SNX29: variants seen among roughly 807,000 people sequenced by gnomAD.
SNX29 encodes sorting nexin 29.
Under a neutral mutation model 102.1 loss-of-function variants are expected in SNX29, and 78 were observed. The observed-to-expected ratio is 0.76, with a 90% CI of 0.64 to 0.92. The LOEUF (loss-of-function observed/expected upper bound fraction) is 0.92, where lower values mean the gene tolerates loss of function less well. SNX29 is among the 40% of genes least tolerant of loss of function. The pLI is 0.00. For synonymous variants in SNX29, 580 were observed against 414.5 expected, an observed-to-expected ratio of 1.40 and a Z score of -4.85; for missense variants, 1,280 against 1,061.7, an observed-to-expected ratio of 1.21 and a Z score of -2.86.
At chr16:12,159,549 A>C (rs1209992322) in intron 13 of SNX29, among the ~76,000 whole-genome samples, 2 of 152,138 alleles carry the variant, frequency 1.3e-5, no homozygotes, top group African/African-American at 4.8e-5. Flanking sequence ...TGTGTATTTC[A>C]CAAGTAGGAG....
chr16:12,552,312 G>T (rs150599329), intron 20 of SNX29, among the ~76,000 whole-genome samples: 3 of 152,168 alleles, frequency 2.0e-5, no homozygotes, highest in Non-Finnish European at 4.4e-5. Context: ...TCTAGAAGAG[G>T]TGATAATGGA....
chr16:12,199,608 G>A lies in SNX29; in HGVS notation c.1603G>A (p.Glu535Lys), dbSNP rs749383130. ...MKVQALAREN[E>K]VLKVQLKKYV... The stretch of plus-strand genomic sequence containing the variant: ...ACATTCTTGTACCTGCAGAGAGAAC[G>A]AGGTGCTCAAAGTCCAACTGAAGAA... The change falls in exon 14 of 21, where the codon GAG (glutamate) becomes AAG (lysine). Residue 535 changes from glutamate (E) to lysine (K), a missense_variant. By Grantham distance (56) the Glu-to-Lys change is moderately conservative. Coordinates refer to ENST00000566228, the MANE Select transcript of SNX29 (RefSeq NM_032167.5). 3 of 1,612,314 alleles carry A rather than the reference G, an allele frequency of 1.9e-6. No homozygotes were observed. Among genetic ancestry groups the A allele is most frequent in the East Asian group, 2.2e-5 (1 of 44,796 alleles).
intron 20 of SNX29, among the ~76,000 whole-genome samples, chr16:12,549,691 G>A (rs533538096): frequency 1.1e-4 from 16 of 152,308 alleles, no homozygotes; most frequent in East Asian, 7.7e-4. Flanking sequence ...TCTTGATGTC[G>A]CAGATGCTGC....
chr16:12,262,609 G>A (rs555028020), intron 14 of SNX29, among the ~76,000 whole-genome samples: 6 of 152,302 alleles, frequency 3.9e-5, no homozygotes, highest in African/African-American at 1.2e-4. Context: ...GTAAGAGGTA[G>A]CAACACGGCA....
intron 18 of SNX29, among the ~76,000 whole-genome samples, chr16:12,465,023 A>G (rs1192889421): frequency 6.6e-6 from 1 of 152,278 alleles, no homozygotes. Flanking sequence ...CTTTTCATCT[A>G]CTTGTAGGCT....
rs141249490 is a variant in SNX29, at chr16:12,561,123, G to C, written c.2319-7383G>C. 202 of 227,554 alleles carry C rather than the reference G, an allele frequency of 8.9e-4. 3 individuals are homozygous for C. Among genetic ancestry groups the C allele is most frequent in the African/African-American group, 4.1e-3 (187 of 45,138 alleles). The allele number at this position is 227,554 out of a possible 1,614,324, so 14.1% of individuals were successfully genotyped here. A position where few individuals can be genotyped will look rare whatever the true frequency, so the allele number is the denominator to read the frequency against. ...TTAGATTTCACGGGGCACCCATCAC[G>C]CAGTCCTGAGGCCCAGGTGTTGCCT... On this transcript the variant is annotated intron_variant, in intron 20 of 20. Coordinates refer to ENST00000566228, the MANE Select transcript of SNX29 (RefSeq NM_032167.5).
At chr16:12,352,880 T>A (rs556256419) in intron 15 of SNX29, among the ~76,000 whole-genome samples, 1 of 152,308 alleles carries the variant, frequency 6.6e-6, no homozygotes, top group Admixed American at 6.5e-5. Context: ...GATGGATTAA[T>A]TTTCATGAAA....
rs186059561 is a variant in SNX29 at position 12,517,682 on chromosome 16, C to T, written c.2179-7020C>T. Among the ~76,000 whole-genome samples the T allele has an allele frequency of 2.6e-3, 397 of 152,304 alleles. 2 individuals carry two copies. Among genetic ancestry groups the T allele is most frequent in the African/African-American group, 9.2e-3 (381 of 41,572 alleles). ...ATGAACCAGACAGATAAGGTGCCTG[C>T]CTTGGTGGAATTACCATCTAGCAAG... On this transcript the variant is annotated intron_variant, in intron 19 of 20. Coordinates refer to ENST00000566228, the MANE Select transcript of SNX29 (RefSeq NM_032167.5).
chr16:12,227,026 A>G (rs1186115736), intron 14 of SNX29, among the ~76,000 whole-genome samples: 1 of 152,202 alleles, frequency 6.6e-6, no homozygotes, highest in Admixed American at 6.5e-5. Flanking sequence ...CAATGCTCAG[A>G]TAAGTTGGGA....
At chr16:12,560,671 C>T (rs2078674323) in intron 20 of SNX29, 1 of 156,884 alleles carries the variant, frequency 6.4e-6, no homozygotes, top group South Asian at 2.1e-4. Flanking sequence ...GGGGGCTGGG[C>T]TTGGATGCAT....
At chr16:12,547,689 C>T (rs556987771) in intron 20 of SNX29, among the ~76,000 whole-genome samples, 50 of 152,244 alleles carry the variant, frequency 3.3e-4, no homozygotes, top group African/African-American at 8.7e-4. Flanking sequence ...ACCTGGCCCC[C>T]GCGTTCCTGT....
chr16:12,545,389 TTGTCCGCTTCC>T (rs1321178514), intron 20 of SNX29: 1 of 152,192 alleles, frequency 6.6e-6, no homozygotes, highest in Non-Finnish European at 1.5e-5. Flanking sequence ...AATAGGTGTA[TTGTCCGCTTCC>T]TAACCGGGTC....
At chr16:12,058,151 A>G (rs1375878252) in intron 8 of SNX29, among the ~76,000 whole-genome samples, 1 of 152,146 alleles carries the variant, frequency 6.6e-6, no homozygotes, top group East Asian at 1.9e-4. Context: ...AAAAAACAAG[A>G]TAAAAAACTC....
intron 15 of SNX29, among the ~76,000 whole-genome samples, chr16:12,315,442 G>C (rs1164519653): frequency 2.0e-5 from 3 of 152,156 alleles, no homozygotes; most frequent in South Asian, 4.1e-4. Flanking sequence ...ATGCTCATTT[G>C]TTATGTGGAT....
intron 20 of SNX29, among the ~76,000 whole-genome samples, chr16:12,554,699 A>C (rs529922906): frequency 3.9e-5 from 6 of 152,216 alleles, no homozygotes; most frequent in African/African-American, 1.4e-4. Context: ...ATCCCTGCCC[A>C]TGCCTGGTGA....
At chr16:12,475,763 G>C (rs2087563695) in intron 18 of SNX29, among the ~76,000 whole-genome samples, 1 of 152,208 alleles carries the variant, frequency 6.6e-6, no homozygotes, top group Non-Finnish European at 1.5e-5. Flanking sequence ...GGTTTCTACT[G>C]AATGCTTATT....
At chr16:12,533,078 C>T (rs1330271876) in intron 20 of SNX29, among the ~76,000 whole-genome samples, 3 of 152,186 alleles carry the variant, frequency 2.0e-5, no homozygotes, top group Admixed American at 2.0e-4. Context: ...CAAGCCACAG[C>T]CCACATCACA....
intron 4 of SNX29, among the ~76,000 whole-genome samples, chr16:12,037,122 C>A (rs2057497743): frequency 6.6e-6 from 1 of 152,084 alleles, no homozygotes; most frequent in Non-Finnish European, 1.5e-5. Context: ...ACGGGGTCGG[C>A]ACACTCCCTC....
chr16:12,129,564 C>A, intron 12 of SNX29, 66 bp from the exon 13 acceptor site: 2 of 1,525,434 alleles, frequency 1.3e-6, no homozygotes, highest in Non-Finnish European at 8.8e-7. Flanking sequence ...ATGTTAGGAA[C>A]TGTGTCCTGG....
Sources: gnomAD v4.1 joint callset for allele counts (sites outside exome capture counted in the v4.1 genomes callset) on GRCh38, gnomAD v4.1.1 for gene constraint, MANE v1.5 for transcripts, NCBI Gene and HGNC (gene_info 2026-07-23, HGNC 2026-07-21) for gene names.